Variants in TAF1B observed in about 807,000 individuals in gnomAD.
TAF1B encodes the protein TATA box-binding protein-associated factor RNA polymerase I subunit B.
A neutral mutation model predicts 83.9 loss-of-function variants in TAF1B; 61 were observed. The ratio of observed to expected loss-of-function variants is 0.73; its 90% CI spans 0.59 to 0.90. The LOEUF (loss-of-function observed/expected upper bound fraction) is 0.90. Among genes scored for constraint, TAF1B ranks in the 40% least tolerant of loss-of-function variants. The pLI, the probability that TAF1B is intolerant of heterozygous loss-of-function variation, is 0.00. For synonymous variants in TAF1B, 221 were observed against 224.6 expected (o/e 0.98, Z 0.14); for missense variants, 625 against 677.0 (o/e 0.92, Z 0.85).
Position 9,910,764 on chromosome 2 carries a change from G to A in TAF1B, c.984G>A (p.Val328=), listed in dbSNP as rs776852696. 1 of 1,611,596 alleles carries A rather than the reference G, an allele frequency of 6.2e-7. No homozygotes were observed. The highest frequency in any genetic ancestry group is 2.2e-5 in the East Asian group (1 of 44,832). ...AAATGCATAGCTTAACTTGCCACGT[G>A]GTAAAAATGACTGGAATGGGAGAAG... ...PDEMHSLTCH[V]VKMTGMGEVD... Residue 328 remains valine, a synonymous_variant, in exon 10 of 15, where the codon GTG becomes GTA. Transcript: ENST00000263663.
intron 5 of TAF1B, among the ~76,000 whole-genome samples, chr2:9,867,131 G>A (rs1664007601): frequency 6.6e-6 from 1 of 152,186 alleles, no homozygotes; most frequent in Non-Finnish European, 1.5e-5. Flanking sequence ...GCATATTTGT[G>A]TAGTGATAGG....
At chr2:9,920,851 A>G (rs4668652) in intron 14 of TAF1B, among the ~76,000 whole-genome samples, 109,899 of 152,012 alleles carry the variant, frequency 0.72, 40,459 homozygotes, top group Middle Eastern at 0.84. Context: ...TCTGGATAAA[A>G]TAGGACTAAA....
chr2:9,893,980 A>G (rs1664945734), intron 8 of TAF1B, among the ~76,000 whole-genome samples: 1 of 152,208 alleles, frequency 6.6e-6, no homozygotes, highest in Non-Finnish European at 1.5e-5. Flanking sequence ...CAGAATTTTA[A>G]AGGCAGCTAA....
intron 12 of TAF1B, among the ~76,000 whole-genome samples, chr2:9,918,752 T>G (rs143444375): frequency 6.6e-6 from 1 of 152,290 alleles, no homozygotes; most frequent in Admixed American, 6.5e-5. Context: ...CAAGGGAAAT[T>G]TATGGTGAAG....
chr2:9,895,982 T>G (rs1225161771), intron 8 of TAF1B, among the ~76,000 whole-genome samples: 2 of 152,220 alleles, frequency 1.3e-5, no homozygotes, highest in African/African-American at 4.8e-5. Flanking sequence ...CGCTGTAATA[T>G]TTGTGAAATT....
intron 8 of TAF1B, among the ~76,000 whole-genome samples, chr2:9,895,105 C>T (rs556788043): frequency 1.3e-5 from 2 of 152,312 alleles, no homozygotes; most frequent in East Asian, 1.9e-4. Flanking sequence ...AAGTTGACAA[C>T]GCGTTTCTAA....
intron 13 of TAF1B, 30 bp downstream of exon 13, chr2:9,919,141 A>G: frequency 3.9e-6 from 6 of 1,556,792 alleles, no homozygotes; most frequent in Non-Finnish European, 4.4e-6. Flanking sequence ...TTTAATACCA[A>G]GTAGCAACAC....
chr2:9,861,497 C>G (rs1190584905), intron 5 of TAF1B, among the ~76,000 whole-genome samples: 1 of 152,260 alleles, frequency 6.6e-6, no homozygotes, highest in Admixed American at 6.5e-5. Context: ...GCCTGCCTGC[C>G]TCTGTAGGCT....
intron 6 of TAF1B, among the ~76,000 whole-genome samples, chr2:9,873,885 CCTCCCGTAA>C (rs1664244790): frequency 2.0e-5 from 3 of 151,864 alleles, no homozygotes; most frequent in Admixed American, 6.6e-5. Context: ...CTACTCCTGC[CCTCCCGTAA>C]CTCCATTCTT....
chr2:9,866,921 T>C (rs7369650), intron 5 of TAF1B, among the ~76,000 whole-genome samples: 61,247 of 150,978 alleles, frequency 0.41, 13,185 homozygotes, highest in East Asian at 0.58. Context: ...GAACATCCCA[T>C]ACCGGGGACT....
rs1665805822 is a variant in TAF1B at position 9,919,624 on chromosome 2, T to C, written c.1369T>C (p.Phe457Leu). The C allele has an allele frequency of 6.2e-7, 1 of 1,614,042 alleles. No homozygotes were observed. Residue 457 changes from phenylalanine to leucine, a missense_variant, in exon 14 of 15, where the codon TTT becomes CTT. Physicochemically the swap from Phe to Leu is conservative, Grantham distance 22. Coordinates refer to ENST00000263663, the MANE Select transcript of TAF1B (RefSeq NM_005680.3). ...AATGGTGGTGAATCTACAGAAACAA[T>C]TTAGCACACTGGTCGAGTCAACAGC... is the stretch of plus-strand genomic sequence containing the variant. Reference protein sequence around the residue: ...REMVVNLQKQFSTLVESTATA... With the variant: ...REMVVNLQKQLSTLVESTATA...
intron 14 of TAF1B, among the ~76,000 whole-genome samples, chr2:9,931,194 A>T (rs925443666): frequency 3.9e-5 from 6 of 152,078 alleles, no homozygotes; most frequent in African/African-American, 1.4e-4. Context: ...TTATGTGTGA[A>T]TTTGATCCTG....
In TAF1B at chr2:9,913,602, C is replaced by T. The variant is rs554134527; in HGVS notation, c.1271+353C>T. ...CCCTTTCTCAAATTTAGTCATTTCT[C>T]ATCTATGCTTCCCAATATTAAAAAG... On this transcript the variant is annotated intron_variant, in intron 12 of 14. Coordinates refer to ENST00000263663, the MANE Select transcript of TAF1B (RefSeq NM_005680.3). 1.2e-4 allele frequency: 20 copies of T among 170,248 alleles called. No homozygotes were observed. In the South Asian group the frequency reaches 2.2e-3, roughly 19 times the overall value. The allele number at this position is 170,248 out of a possible 1,614,324, so 10.5% of individuals were successfully genotyped here. A position where few individuals can be genotyped will look rare whatever the true frequency, so the allele number is the denominator to read the frequency against.
intron 4 of TAF1B, chr2:9,852,078 A>G: frequency 2.1e-6 from 1 of 468,792 alleles, no homozygotes; most frequent in Non-Finnish European, 4.4e-6. Flanking sequence ...GCGATATGCT[A>G]AACCAGTCGT....
At chr2:9,855,121 A>T (rs1408700678) in intron 5 of TAF1B, among the ~76,000 whole-genome samples, 1 of 152,008 alleles carries the variant, frequency 6.6e-6, no homozygotes. Context: ...CAGCCTCCTG[A>T]GTAGCTGGGA....
intron 8 of TAF1B, among the ~76,000 whole-genome samples, chr2:9,886,129 A>G (rs1276887902): frequency 1.3e-5 from 2 of 152,192 alleles, no homozygotes; most frequent in Admixed American, 6.5e-5. Context: ...GACGTATTCA[A>G]ATGGCAATAG....
chr2:9,884,407 C>T (rs1018513979), intron 8 of TAF1B, among the ~76,000 whole-genome samples: 2 of 152,198 alleles, frequency 1.3e-5, no homozygotes, highest in Non-Finnish European at 2.9e-5. Context: ...CTGTTTTAGC[C>T]TTGCCATTCT....
intron 5 of TAF1B, among the ~76,000 whole-genome samples, chr2:9,854,829 GC>G (rs1291024921): frequency 6.6e-6 from 1 of 152,114 alleles, no homozygotes; most frequent in Non-Finnish European, 1.5e-5. Flanking sequence ...CTTCTCAGAA[GC>G]CTTTATGTGA....
At position 9,919,600 on chromosome 2, in the gene TAF1B, A is replaced by G. The variant is rs201240819; in HGVS notation, c.1345A>G (p.Met449Val). The change falls in exon 14 of 15, where the codon ATG (methionine) becomes GTG (valine). Residue 449 changes from methionine to valine, a missense_variant and splice_region_variant. Coordinates refer to ENST00000263663, the MANE Select transcript of TAF1B (RefSeq NM_005680.3). ...TTCCTTTTTTTCTCCGGTTCCAGAA[A>G]TGGTGGTGAATCTACAGAAACAATT... ...DKPVAYKKRE[M>V]VVNLQKQFST... 1.3e-4 allele frequency: 214 copies of G among 1,612,816 alleles called. No homozygotes were observed. Among genetic ancestry groups the G allele is most frequent in the Non-Finnish European group, 1.7e-4 (201 of 1,179,258 alleles).
Sources: gnomAD v4.1 joint callset for allele counts (sites outside exome capture counted in the v4.1 genomes callset) on GRCh38, gnomAD v4.1.1 for gene constraint, MANE v1.5 for transcripts, NCBI Gene and HGNC (gene_info 2026-07-23, HGNC 2026-07-21) for gene names.